The following IL1RAPL1 variants were observed in gnomAD, a reference collection of about 807,000 sequenced individuals.
IL1RAPL1 encodes the protein interleukin-1 receptor accessory protein-like 1.
Under a neutral mutation model 48.4 loss-of-function variants are expected in IL1RAPL1, and 3 were observed. The observed-to-expected ratio is 0.06, with a 90% CI of 0.03 to 0.16. The LOEUF is 0.16. Ranked by LOEUF, IL1RAPL1 falls within the 10% of genes least tolerant of loss-of-function variation. The probability of loss-of-function intolerance (pLI) is 1.00; values close to 1 mark genes in which losing one functional copy is unlikely to be tolerated. For synonymous variants in IL1RAPL1, 185 were observed against 187.7 expected, an observed-to-expected ratio of 0.99 and a Z score of 0.12; for missense variants, 349 against 530.6, an observed-to-expected ratio of 0.66 and a Z score of 3.36.
intron 2 of IL1RAPL1, among the ~76,000 whole-genome samples, chrX:29,072,252 C>T (rs746500757): frequency 1.8e-5 from 2 of 110,773 alleles, no homozygotes; most frequent in Non-Finnish European, 3.8e-5. Context: ...TCTATCGACT[C>T]GTCATTGTTG....
At chrX:29,032,167 C>A (rs67934292) in intron 2 of IL1RAPL1, among the ~76,000 whole-genome samples, 5,999 of 111,551 alleles carry the variant, frequency 0.054, 190 homozygotes, top group African/African-American at 0.1. Flanking sequence ...TCTACTGTAC[C>A]ACTTTAGAGG....
intron 6 of IL1RAPL1, among the ~76,000 whole-genome samples, chrX:29,873,579 C>T (rs753803471): frequency 1.8e-5 from 2 of 111,592 alleles, no homozygotes; most frequent in Non-Finnish European, 3.8e-5. Context: ...AGAGAGCTCA[C>T]GCCAGACATT....
chrX:28,956,953 C>G (rs1386272336), intron 2 of IL1RAPL1, among the ~76,000 whole-genome samples: 19 of 110,758 alleles, frequency 1.7e-4, no homozygotes, highest in African/African-American at 6.2e-4. Context: ...TGTTATTGGT[C>G]TATTCAGAGA....
chrX:29,757,260 A>G (rs891404891), intron 6 of IL1RAPL1, among the ~76,000 whole-genome samples: 11 of 112,101 alleles, frequency 9.8e-5, no homozygotes, highest in African/African-American at 3.6e-4. Context: ...TAAAATTATA[A>G]TCTCTTGAAG....
At chrX:28,973,308 C>T (rs1046798389) in intron 2 of IL1RAPL1, among the ~76,000 whole-genome samples, 1 of 109,872 alleles carries the variant, frequency 9.1e-6, no homozygotes, top group Admixed American at 9.5e-5. Context: ...CCATCTCAAA[C>T]CAATGCGTTA....
intron 2 of IL1RAPL1, among the ~76,000 whole-genome samples, chrX:29,165,731 A>G (rs1016024010): frequency 4.5e-5 from 5 of 112,055 alleles, no homozygotes; most frequent in Admixed American, 9.5e-5. Flanking sequence ...ATATCACTAA[A>G]AGATTTTATA....
Position 29,523,001 on chromosome X carries a change from T to G in IL1RAPL1, c.703+123693T>G, listed in dbSNP as rs760622179. ...GTAGCGACAATTTTAGAAACACCCC[T>G]TTCTTGTGTTTATACTATTATAACT... On this transcript the variant is annotated intron_variant, in intron 5 of 10. Coordinates refer to ENST00000378993, the MANE Select transcript of IL1RAPL1 (RefSeq NM_014271.4). 9.0e-5 allele frequency among the ~76,000 whole-genome samples: 10 copies of G among 111,561 alleles called. No individual in the cohort carries two copies. In the South Asian group the frequency reaches 3.4e-3, roughly 38 times the overall value.
intron 1 of IL1RAPL1, among the ~76,000 whole-genome samples, chrX:28,594,073 G>T (rs1174743363): frequency 8.9e-6 from 1 of 111,769 alleles, no homozygotes. Flanking sequence ...TACATAGAAA[G>T]TTTGGTGTTT....
intron 5 of IL1RAPL1, among the ~76,000 whole-genome samples, chrX:29,414,825 C>A (rs772533759): frequency 4.5e-5 from 5 of 111,637 alleles, no homozygotes; most frequent in Non-Finnish European, 7.5e-5. Flanking sequence ...ATATTAACTG[C>A]TTTTAGTTTT....
At chrX:28,874,211 G>A (rs1395580386) in intron 2 of IL1RAPL1, among the ~76,000 whole-genome samples, 1 of 111,469 alleles carries the variant, frequency 9.0e-6, no homozygotes, top group Admixed American at 9.5e-5. Flanking sequence ...TTTAGAAAGT[G>A]TTTTTGTTCC....
At chrX:29,475,067 G>A (rs1831581450) in intron 5 of IL1RAPL1, among the ~76,000 whole-genome samples, 1 of 112,231 alleles carries the variant, frequency 8.9e-6, no homozygotes, top group Non-Finnish European at 1.9e-5. Flanking sequence ...CCTGTTAGAT[G>A]CTCCAGAAAT....
chrX:29,442,916 T>G (rs1374161000), intron 5 of IL1RAPL1, among the ~76,000 whole-genome samples: 1 of 103,527 alleles, frequency 9.7e-6, no homozygotes, highest in East Asian at 3.1e-4. Context: ...TAGTTACTGA[T>G]CTTTAGATGG....
chrX:29,843,762 T>C (rs773904223), intron 6 of IL1RAPL1, among the ~76,000 whole-genome samples: 3 of 108,582 alleles, frequency 2.8e-5, no homozygotes, highest in African/African-American at 3.5e-5. Flanking sequence ...CTTCTCTCTC[T>C]CTCTTCAATT....
chrX:29,193,604 G>A (rs761219739), intron 2 of IL1RAPL1, among the ~76,000 whole-genome samples: 42 of 110,692 alleles, frequency 3.8e-4, no homozygotes, highest in African/African-American at 1.3e-3. Context: ...ATATAGTGTA[G>A]TAAAAGATTA....
chrX:28,704,271 T>C (rs181798489), intron 1 of IL1RAPL1, among the ~76,000 whole-genome samples: 1 of 110,695 alleles, frequency 9.0e-6, no homozygotes, highest in African/African-American at 3.3e-5. Flanking sequence ...TAATCTCCCT[T>C]TTTTTTCATT....
At chrX:29,752,487 C>T (rs1173667341) in intron 6 of IL1RAPL1, among the ~76,000 whole-genome samples, 1 of 70,026 alleles carries the variant, frequency 1.4e-5, no homozygotes, top group Non-Finnish European at 2.5e-5. Context: ...CAAATCGAGA[C>T]TTTGTCTCAA....
intron 2 of IL1RAPL1, among the ~76,000 whole-genome samples, chrX:28,997,006 A>G (rs1300263783): frequency 4.5e-5 from 5 of 111,467 alleles, no homozygotes; most frequent in Non-Finnish European, 9.4e-5. Context: ...CAACCACCCC[A>G]TGGTTTCAGT....
intron 2 of IL1RAPL1, among the ~76,000 whole-genome samples, chrX:29,246,150 C>T (rs866081957): frequency 7.7e-5 from 4 of 52,020 alleles, no homozygotes; most frequent in Middle Eastern, 0.019. Context: ...TCTCATCGCT[C>T]TTTTTTTTTT....
At chrX:29,668,288 A>AGTAT (rs1355883109) in intron 5 of IL1RAPL1, 142 bp from the exon 6 acceptor site, 21 of 522,185 alleles carry the variant, frequency 4.0e-5, no homozygotes, top group Non-Finnish European at 7.1e-5. Flanking sequence ...TGTTATCTGC[A>AGTAT]GTATGTTCAT....
Sources: allele counts gnomAD v4.1 joint callset (sites outside exome capture counted in the v4.1 genomes callset), GRCh38; gene constraint gnomAD v4.1.1; transcripts MANE v1.5; gene names NCBI Gene and HGNC (gene_info 2026-07-23, HGNC 2026-07-21).